ACSS3: variants seen among roughly 807,000 people sequenced by gnomAD.
ACSS3 encodes acyl-CoA synthetase short-chain family member 3, mitochondrial.
Under a neutral mutation model 84.2 loss-of-function variants are expected in ACSS3, and 64 were observed. The observed-to-expected ratio is 0.76, with a 90% CI of 0.62 to 0.94. The LOEUF is 0.94. ACSS3 is among the 40% of genes least tolerant of loss of function. The probability of loss-of-function intolerance (pLI) is 0.00; values close to 1 mark genes in which losing one functional copy is unlikely to be tolerated. For synonymous variants in ACSS3, 317 were observed against 310.1 expected, an observed-to-expected ratio of 1.02 and a Z score of -0.23; for missense variants, 815 against 867.6, an observed-to-expected ratio of 0.94 and a Z score of 0.76.
intron 7 of ACSS3, among the ~76,000 whole-genome samples, chr12:81,167,074 T>A (rs1345972848): frequency 6.6e-6 from 1 of 152,252 alleles, no homozygotes; most frequent in Non-Finnish European, 1.5e-5. Flanking sequence ...AAATGCTCTC[T>A]GTGACTACTG....
intron 7 of ACSS3, chr12:81,158,485 G>C (rs1055249293): frequency 6.5e-6 from 1 of 153,776 alleles, no homozygotes; most frequent in Admixed American, 6.6e-5. Flanking sequence ...CATAGCTACA[G>C]CTTTTCCTAA....
Position 81,230,633 on chromosome 12 carries a change from T to G in ACSS3, c.1515-424T>G, listed in dbSNP as rs2135967940. Among the ~76,000 whole-genome samples the G allele has an allele frequency of 1.3e-5, 2 of 151,982 alleles. 1 individual carries two copies. The highest frequency in any genetic ancestry group is 4.1e-4 in the South Asian group (2 of 4,832). ...CACTGGGTGCTTAATTAGAATATTC[T>G]ATTACACAGAGAGACAGGCAAAGAT... On this transcript the variant is annotated intron_variant, in intron 11 of 15. Coordinates refer to ENST00000548058, the MANE Select transcript of ACSS3 (RefSeq NM_024560.4).
intron 7 of ACSS3, among the ~76,000 whole-genome samples, chr12:81,173,835 T>C (rs1280282872): frequency 6.6e-6 from 1 of 152,138 alleles, no homozygotes; most frequent in Non-Finnish European, 1.5e-5. Flanking sequence ...ACCCTTCTCG[T>C]AGAAATTAGT....
intron 13 of ACSS3, 151 bp downstream of exon 13, chr12:81,233,622 T>G (rs1186635710): frequency 1.0e-6 from 1 of 976,624 alleles, no homozygotes; most frequent in Non-Finnish European, 1.5e-6. Context: ...CACCTCACTT[T>G]CTCTTTTAGA....
chr12:81,131,816 A>G (rs1164766652), intron 2 of ACSS3, among the ~76,000 whole-genome samples: 1 of 152,134 alleles, frequency 6.6e-6, no homozygotes, highest in Non-Finnish European at 1.5e-5. Context: ...TACCTAGTCT[A>G]TTGAGAGTTT....
rs2034322813 is a variant in ACSS3, at chr12:81,256,984, ATG to A, written c.*2066_*2067del. The A allele has an allele frequency of 6.6e-6, 1 of 152,080 alleles. No individual in the cohort carries two copies. The allele number at this position is 152,080 out of a possible 1,614,324, so 9.4% of individuals were successfully genotyped here. On this transcript the variant is annotated 3_prime_UTR_variant, in exon 16 of 16. Coordinates refer to ENST00000548058, the MANE Select transcript of ACSS3 (RefSeq NM_024560.4). Reference sequence around the variant, plus strand: ...CTCATTTTAATGTCTTAGGAGTAGAATGTGTTTCCTTATTTTTTTTCAAATAA... The same window carrying A: ...CTCATTTTAATGTCTTAGGAGTAGAATGTTTCCTTATTTTTTTTCAAATAA...
Position 81,259,480 on chromosome 12 carries a change from T to C in ACSS3, c.*4558T>C. 1.4e-6 allele frequency: 1 copy of C among 698,118 alleles called. No homozygotes were observed. Among genetic ancestry groups the C allele is most frequent in the Non-Finnish European group, 2.5e-6 (1 of 404,152 alleles). The allele number at this position is 698,118 out of a possible 1,614,324, so 43.2% of individuals were successfully genotyped here. On this transcript the variant is annotated 3_prime_UTR_variant, in exon 16 of 16. Transcript: ENST00000548058. ...TTATTCAAATGACTTAAGCATTTTA[T>C]TACAATTTGTAGTAAACTAATCAAA...
intron 8 of ACSS3, among the ~76,000 whole-genome samples, chr12:81,195,819 A>C (rs769071848): frequency 6.6e-6 from 1 of 152,148 alleles, no homozygotes; most frequent in Non-Finnish European, 1.5e-5. Flanking sequence ...TTCTGTGTCT[A>C]TATCAGGACA....
intron 1 of ACSS3, among the ~76,000 whole-genome samples, chr12:81,099,776 TTTAAA>T (rs1882358431): frequency 6.6e-6 from 1 of 152,152 alleles, no homozygotes; most frequent in Non-Finnish European, 1.5e-5. Context: ...TAAATACATA[TTTAAA>T]TTAAAAATTT....
rs754466759 is a variant in ACSS3, at chr12:81,156,205, CA to C, written c.1098+4110del. On this transcript the variant is annotated intron_variant, in intron 7 of 15. Coordinates refer to ENST00000548058, the MANE Select transcript of ACSS3 (RefSeq NM_024560.4). ...AGGAAAACACACACACACACACACA[CA>C]CCCCACACACACACACACACACACG... Among the ~76,000 whole-genome samples the C allele has an allele frequency of 4.0e-3, 535 of 132,132 alleles. 2 individuals are homozygous for C. The highest frequency in any genetic ancestry group is 6.2e-3 in the Non-Finnish European group (342 of 55,368). The allele number at this position is 132,132 out of a possible 152,430, so 86.7% of individuals were successfully genotyped here.
At chr12:81,104,548 C>T (rs527912344) in intron 1 of ACSS3, among the ~76,000 whole-genome samples, 82 of 152,160 alleles carry the variant, frequency 5.4e-4, no homozygotes, top group Non-Finnish European at 9.4e-4. Flanking sequence ...AACTTTCATT[C>T]TGGCTAAGGT....
chr12:81,104,272 A>G (rs551797791), intron 1 of ACSS3, among the ~76,000 whole-genome samples: 3 of 152,084 alleles, frequency 2.0e-5, no homozygotes, highest in Non-Finnish European at 4.4e-5. Flanking sequence ...ACCAATAGGC[A>G]CAGATTTTAA....
chr12:81,078,596 T>C (rs1880771910), intron 1 of ACSS3, among the ~76,000 whole-genome samples, 165 bp downstream of exon 1: 1 of 152,108 alleles, frequency 6.6e-6, no homozygotes, highest in Non-Finnish European at 1.5e-5. Flanking sequence ...CATAGTCAGT[T>C]CTCTTGCCTT....
chr12:81,155,440 G>T (rs1886814971), intron 7 of ACSS3, among the ~76,000 whole-genome samples: 1 of 152,114 alleles, frequency 6.6e-6, no homozygotes, highest in South Asian at 2.1e-4. Flanking sequence ...AATAGTCTGT[G>T]CACATCTTAT....
chr12:81,156,172 A>G (rs1028062046), intron 7 of ACSS3, among the ~76,000 whole-genome samples: 1 of 148,802 alleles, frequency 6.7e-6, no homozygotes. Context: ...GTCAAATAGG[A>G]AATATCCAGG....
intron 13 of ACSS3, among the ~76,000 whole-genome samples, chr12:81,243,282 C>A (rs1463426372): frequency 6.6e-6 from 1 of 152,032 alleles, no homozygotes; most frequent in African/African-American, 2.4e-5. Flanking sequence ...GAATAAAATA[C>A]CTAAGAATCC....
At position 81,174,776 on chromosome 12, in the gene ACSS3, A is replaced by C; in HGVS notation, c.1099-12A>C. 1 of 1,607,772 alleles carries C rather than the reference A, an allele frequency of 6.2e-7. No individual in the cohort carries two copies. Among genetic ancestry groups the C allele is most frequent in the Non-Finnish European group, 8.5e-7 (1 of 1,175,872 alleles). ...TTTTATCCAGTGACATTTTAAATGA[A>C]TCTCATTGTAGGGGAAGCCTGTGGG... On this transcript the variant is annotated splice_polypyrimidine_tract_variant and intron_variant, in intron 7 of 15. Coordinates refer to ENST00000548058, the MANE Select transcript of ACSS3 (RefSeq NM_024560.4).
In ACSS3 at chr12:81,234,791, A is replaced by G. The variant is rs777136137; in HGVS notation, c.1719+1320A>G. On this transcript the variant is annotated intron_variant, in intron 13 of 15. Transcript: ENST00000548058. ...GTTTTGTAAGTTCTTTATATATTCT[A>G]TATACAAGTCCTTTATCTGATATGC... Among the ~76,000 whole-genome samples, 9 of 151,302 alleles carry G rather than the reference A, an allele frequency of 5.9e-5. No individual in the cohort carries two copies. The East Asian group carries it at 7.8e-4, about 13-fold the overall frequency.
chr12:81,204,703 C>G (rs1383046962), intron 9 of ACSS3, among the ~76,000 whole-genome samples: 1 of 152,132 alleles, frequency 6.6e-6, no homozygotes, highest in South Asian at 2.1e-4. Flanking sequence ...GTTGACAGGA[C>G]ACTACCTGTG....
Sources: allele counts gnomAD v4.1 joint callset (sites outside exome capture counted in the v4.1 genomes callset), GRCh38; gene constraint gnomAD v4.1.1; transcripts MANE v1.5; gene names NCBI Gene and HGNC (gene_info 2026-07-23, HGNC 2026-07-21).